Variants in TMEM67 observed in about 807,000 individuals in gnomAD.
TMEM67 encodes meckelin.
Under a neutral mutation model 136.6 loss-of-function variants are expected in TMEM67, and 124 were observed. The observed-to-expected ratio is 0.91, with a 90% CI of 0.78 to 1.05. The LOEUF is 1.05. Ranked by LOEUF, TMEM67 falls within the 50% of genes least tolerant of loss-of-function variation. TMEM67 has a pLI of 0.00. For synonymous variants in TMEM67, 364 were observed against 390.5 expected (o/e 0.93, Z 0.80); for missense variants, 1,107 against 1,178.4 (o/e 0.94, Z 0.89).
intron 23 of TMEM67, among the ~76,000 whole-genome samples, chr8:93,805,389 T>C (rs1815093500): frequency 1.3e-5 from 2 of 152,026 alleles, no homozygotes; most frequent in Admixed American, 6.5e-5. Context: ...TGAGACCATC[T>C]TGACTAACAC....
At chr8:93,821,613 A>G (rs761780709), downstream of TMEM67, among the ~76,000 whole-genome samples, 2 of 152,112 alleles carry the variant, frequency 1.3e-5, no homozygotes, top group African/African-American at 2.4e-5. Context: ...TAAGACCCCA[A>G]AAAGCCTAGG....
intron 6 of TMEM67, among the ~76,000 whole-genome samples, chr8:93,765,937 C>T (rs968210870): frequency 8.6e-5 from 13 of 152,018 alleles, no homozygotes; most frequent in African/African-American, 2.2e-4. Context: ...GCACCAGAAA[C>T]GCTAGATTTG....
chr8:93,768,345 C>T (rs1813173547), intron 6 of TMEM67, among the ~76,000 whole-genome samples: 2 of 152,162 alleles, frequency 1.3e-5, no homozygotes, highest in Admixed American at 6.5e-5. Context: ...GGCGTGGTGG[C>T]TCACACCTGT....
At chr8:93,783,228 C>T (rs1279168834) in intron 11 of TMEM67, among the ~76,000 whole-genome samples, 1 of 152,074 alleles carries the variant, frequency 6.6e-6, no homozygotes, top group Non-Finnish European at 1.5e-5. Flanking sequence ...TCAACTGATC[C>T]ACCAGCCTTG....
In TMEM67 at chr8:93,817,050, G is replaced by T. The variant is rs534751646; in HGVS notation, c.*598G>T. The T allele has an allele frequency of 1.3e-5, 2 of 152,286 alleles. No homozygotes were observed. Among genetic ancestry groups the T allele is most frequent in the South Asian group, 4.1e-4 (2 of 4,820 alleles). The allele number at this position is 152,286 out of a possible 1,614,324, so 9.4% of individuals were successfully genotyped here. Reference sequence around the variant, plus strand: ...TGAAATGATATCTTTTCATTCCTTTGTATACCTGTATTAGGTCAGTATACG... The same window carrying T: ...TGAAATGATATCTTTTCATTCCTTTTTATACCTGTATTAGGTCAGTATACG... On this transcript the variant is annotated 3_prime_UTR_variant, in exon 28 of 28. Transcript: ENST00000453321.
intron 7 of TMEM67, among the ~76,000 whole-genome samples, chr8:93,773,445 T>C (rs1251997858): frequency 6.6e-6 from 1 of 152,148 alleles, no homozygotes; most frequent in African/African-American, 2.4e-5. Context: ...ATAGAATTTG[T>C]TGGGGTAAGG....
At chr8:93,758,043 A>G (rs1037951417) in intron 2 of TMEM67, among the ~76,000 whole-genome samples, 3 of 152,250 alleles carry the variant, frequency 2.0e-5, no homozygotes, top group African/African-American at 7.2e-5. Flanking sequence ...GACGTGAGCC[A>G]CTGTGCCTGG....
At chr8:93,793,647 G>A (rs535204015) in intron 16 of TMEM67, among the ~76,000 whole-genome samples, 9 of 151,972 alleles carry the variant, frequency 5.9e-5, no homozygotes, top group South Asian at 2.1e-4. Context: ...CATTTTAATC[G>A]TTTGGGTTTC....
chr8:93,789,092 C>G (rs543030699), intron 14 of TMEM67, among the ~76,000 whole-genome samples: 2 of 152,316 alleles, frequency 1.3e-5, no homozygotes, highest in South Asian at 4.1e-4. Flanking sequence ...ATAAGCATTT[C>G]TTACCTCCAA....
intron 12 of TMEM67, chr8:93,785,670 T>C (rs1274295668): frequency 3.5e-6 from 1 of 288,784 alleles, no homozygotes; most frequent in East Asian, 7.0e-5. Context: ...GTCCCGAATA[T>C]GCTTTTTTGG....
downstream of TMEM67, among the ~76,000 whole-genome samples, chr8:93,822,612 C>T (rs1428519747): frequency 2.0e-5 from 3 of 152,210 alleles, no homozygotes; most frequent in Non-Finnish European, 4.4e-5. Context: ...CCATTCTCCC[C>T]ATCTTCCACT....
chr8:93,787,795 T>C, intron 13 of TMEM67, 49 bp from the exon 14 acceptor site: 2 of 1,393,038 alleles, frequency 1.4e-6, no homozygotes, highest in Non-Finnish European at 2.0e-6. Context: ...AATGTATGTT[T>C]AAAGGCCCGG....
At chr8:93,795,346 G>A in intron 16 of TMEM67, 63 bp from the exon 17 acceptor site, 3 of 1,273,268 alleles carry the variant, frequency 2.4e-6, no homozygotes, top group South Asian at 2.4e-5. Flanking sequence ...AAGTGGTAGT[G>A]TTACTAAAAG....
chr8:93,778,843 C>G (rs1206338380), intron 7 of TMEM67, among the ~76,000 whole-genome samples: 1 of 152,154 alleles, frequency 6.6e-6, no homozygotes, highest in East Asian at 1.9e-4. Flanking sequence ...TGGGGTTCCT[C>G]TTCTCAAGGA....
chr8:93,804,964 C>T, intron 23 of TMEM67, 86 bp downstream of exon 23: 1 of 862,882 alleles, frequency 1.2e-6, no homozygotes, highest in African/African-American at 1.7e-5. Context: ...AAAAAACAGT[C>T]TTCATTGATA....
rs753372724 is a variant in TMEM67 at position 93,780,901 on chromosome 8, T to C, written c.897T>C (p.Tyr299=). ...FWRQNLPWLF[Y]GDQLGLAPQV... ...GACAGAATCTTCCTTGGCTGTTTTA[T>C]GGAGACCAGTTAGGATTAGCACCTC... The change falls in exon 9 of 28, where the codon TAT becomes TAC. Residue 299 remains tyrosine (Y), a synonymous_variant. Transcript: ENST00000453321. The C allele has an allele frequency of 2.5e-6, 4 of 1,612,352 alleles. No individual in the cohort carries two copies. In the South Asian group the frequency reaches 4.4e-5, roughly 18 times the overall value.
At chr8:93,781,217 G>A (rs373612838) in intron 9 of TMEM67, among the ~76,000 whole-genome samples, 1 of 152,178 alleles carries the variant, frequency 6.6e-6, no homozygotes, top group Non-Finnish European at 1.5e-5. Context: ...GTAGGGTTGG[G>A]AAGAGCAGTT....
chr8:93,776,204 G>A (rs1448888334), intron 7 of TMEM67, among the ~76,000 whole-genome samples: 1 of 152,180 alleles, frequency 6.6e-6, no homozygotes, highest in Non-Finnish European at 1.5e-5. Context: ...CATTGATTTT[G>A]TATCCTAAGA....
chr8:93,804,583 TAA>T (rs200637561), intron 22 of TMEM67, among the ~76,000 whole-genome samples, 177 bp from the exon 23 acceptor site: 1 of 137,784 alleles, frequency 7.3e-6, no homozygotes, highest in Non-Finnish European at 1.6e-5. Context: ...TTCAAACATT[TAA>T]AAAAAAAAAA....
Sources: allele counts gnomAD v4.1 joint callset (sites outside exome capture counted in the v4.1 genomes callset), GRCh38; gene constraint gnomAD v4.1.1; transcripts MANE v1.5; gene names NCBI Gene and HGNC (gene_info 2026-07-23, HGNC 2026-07-21).